ELL2: variants seen among roughly 807,000 people sequenced by gnomAD.
ELL2 encodes the protein elongation factor for RNA polymerase II 2.
A neutral mutation model predicts 72.8 loss-of-function variants in ELL2; 21 were observed. The ratio of observed to expected loss-of-function variants is 0.29; its 90% CI spans 0.20 to 0.42. ELL2 has a LOEUF of 0.42. ELL2 is among the 10% of genes least tolerant of loss of function. The pLI is 1.00. For synonymous variants in ELL2, 266 were observed against 283.2 expected (o/e 0.94, Z 0.61); for missense variants, 568 against 772.8 (o/e 0.73, Z 3.14).
chr5:95,951,769 C>T (rs1427448668), intron 1 of ELL2, among the ~76,000 whole-genome samples: 3 of 152,104 alleles, frequency 2.0e-5, no homozygotes, highest in Non-Finnish European at 4.4e-5. Flanking sequence ...TGAAGGCCAC[C>T]TCGAAGTTTA....
chr5:95,950,671 G>C (rs1751338493), intron 1 of ELL2, among the ~76,000 whole-genome samples: 1 of 151,608 alleles, frequency 6.6e-6, no homozygotes, highest in South Asian at 2.1e-4. Context: ...TGTAACCTTA[G>C]ATTCAAAAGA....
At chr5:95,935,449 T>C (rs1244449184) in intron 2 of ELL2, among the ~76,000 whole-genome samples, 3 of 152,202 alleles carry the variant, frequency 2.0e-5, no homozygotes, top group Non-Finnish European at 2.9e-5. Context: ...TAAACCAGTA[T>C]TCTTTAACAG....
chr5:95,921,877 C>G (rs1372399991), intron 2 of ELL2, among the ~76,000 whole-genome samples: 9 of 152,128 alleles, frequency 5.9e-5, no homozygotes, highest in Non-Finnish European at 1.2e-4. Context: ...ATCTGCAGAA[C>G]CTGGTTGGAG....
chr5:95,937,438 C>T (rs1192497721), intron 2 of ELL2, among the ~76,000 whole-genome samples: 1 of 151,672 alleles, frequency 6.6e-6, no homozygotes, highest in African/African-American at 2.4e-5. Context: ...CAGCCCATCT[C>T]CTGGGTAAAA....
At chr5:95,927,408 C>CATAT (rs771192362) in intron 2 of ELL2, among the ~76,000 whole-genome samples, 1 of 25,488 alleles carries the variant, frequency 3.9e-5, no homozygotes, top group Non-Finnish European at 7.2e-5. Flanking sequence ...CATACACACA[C>CATAT]GTGTGTATAT....
intron 2 of ELL2, 74 bp from the exon 3 acceptor site, chr5:95,919,619 T>G: frequency 6.8e-7 from 1 of 1,467,182 alleles, no homozygotes; most frequent in Non-Finnish European, 9.0e-7. Flanking sequence ...ACTGACTTAC[T>G]GGTTTTTCTA....
intron 1 of ELL2, among the ~76,000 whole-genome samples, chr5:95,955,588 T>G (rs1751598797): frequency 6.6e-6 from 1 of 152,248 alleles, no homozygotes; most frequent in Admixed American, 6.5e-5. Flanking sequence ...ACCCGAGTTA[T>G]GCTGTGTTTT....
intron 1 of ELL2, among the ~76,000 whole-genome samples, chr5:95,950,938 A>G (rs796408130): frequency 2.8e-5 from 3 of 108,022 alleles, no homozygotes; most frequent in Non-Finnish European, 5.6e-5. Context: ...ATATATATAT[A>G]TATATATATA....
intron 1 of ELL2, among the ~76,000 whole-genome samples, chr5:95,951,663 C>CTTTTTTTACAA (rs1468973330): frequency 6.6e-6 from 1 of 151,856 alleles, no homozygotes; most frequent in African/African-American, 2.4e-5. Context: ...CAAAGGGAGC[C>CTTTTTTTACAA]ATTGGGGACT....
chr5:95,921,447 G>C (rs1750081995), intron 2 of ELL2, among the ~76,000 whole-genome samples: 1 of 151,982 alleles, frequency 6.6e-6, no homozygotes, highest in Admixed American at 6.6e-5. Flanking sequence ...ATCTTTTGAG[G>C]GCCCTAACGT....
At position 95,886,807 on chromosome 5, in the gene ELL2, T is replaced by C. The variant is rs11135442; in HGVS notation, c.*2064A>G. On this transcript the variant is annotated 3_prime_UTR_variant, in exon 12 of 12. Coordinates refer to ENST00000237853, the MANE Select transcript of ELL2 (RefSeq NM_012081.6). ...AAGAAACCTGTGAAAATGCAGATACTTGGGCCCTATACCTAGAGATTCTAA... is the reference window on the plus strand; with the variant it reads ...AAGAAACCTGTGAAAATGCAGATACCTGGGCCCTATACCTAGAGATTCTAA... The C allele has an allele frequency of 0.33, 49,459 of 151,986 alleles. 8,774 individuals carry two copies. The highest frequency in any genetic ancestry group is 0.48 in the African/African-American group (19,904 of 41,416). 9.4% of individuals were successfully genotyped at this position (151,986 alleles called of 1,614,324 possible).
intron 1 of ELL2, among the ~76,000 whole-genome samples, chr5:95,948,560 G>C (rs1751264392): frequency 6.6e-6 from 1 of 150,734 alleles, no homozygotes; most frequent in Non-Finnish European, 1.5e-5. Flanking sequence ...ACCATTATAA[G>C]CAAATGTCTA....
At chr5:95,889,566 A>C (rs963761249) in intron 10 of ELL2, among the ~76,000 whole-genome samples, 1 of 152,208 alleles carries the variant, frequency 6.6e-6, no homozygotes, top group Non-Finnish European at 1.5e-5. Context: ...ACAGCTTGAT[A>C]CCATTAGTTT....
intron 1 of ELL2, among the ~76,000 whole-genome samples, chr5:95,944,470 A>G (rs530630970): frequency 6.6e-6 from 1 of 152,230 alleles, no homozygotes; most frequent in Non-Finnish European, 1.5e-5. Flanking sequence ...AAAAGGTAGT[A>G]CCTGAATTTT....
chr5:95,907,560 T>C lies in ELL2; in HGVS notation c.482-778A>G, dbSNP rs539815084. 5.1e-4 allele frequency among the ~76,000 whole-genome samples: 78 copies of C among 152,170 alleles called. 2 individuals are homozygous for C. Among genetic ancestry groups the C allele is most frequent in the Admixed American group, 4.7e-3 (72 of 15,276 alleles). ...CAAGTGGCTACTTCTAGAACATGTG[T>C]GGGCTGAGGTGAACCGGGCATTATG... On this transcript the variant is annotated intron_variant, in intron 4 of 11. Coordinates refer to ENST00000237853, the MANE Select transcript of ELL2 (RefSeq NM_012081.6).
chr5:95,895,537 C>G, intron 9 of ELL2, 91 bp downstream of exon 9: 1 of 1,248,934 alleles, frequency 8.0e-7, no homozygotes. Flanking sequence ...TCTGGAACTT[C>G]TTACTTTTCT....
At chr5:95,899,467 C>T (rs549634774) in intron 7 of ELL2, among the ~76,000 whole-genome samples, 8 of 150,454 alleles carry the variant, frequency 5.3e-5, no homozygotes, top group East Asian at 1.9e-4. Flanking sequence ...TTTTTTTTAC[C>T]GTTACATATC....
intron 3 of ELL2, 54 bp from the exon 4 acceptor site, chr5:95,913,988 AGG>A: frequency 6.8e-7 from 1 of 1,467,362 alleles, no homozygotes; most frequent in Non-Finnish European, 9.0e-7. Flanking sequence ...TGTACAATAA[AGG>A]CAAACAAGAA....
intron 10 of ELL2, among the ~76,000 whole-genome samples, 183 bp from the exon 11 acceptor site, chr5:95,889,313 G>A (rs184840769): frequency 2.8e-4 from 42 of 152,276 alleles, no homozygotes; most frequent in Admixed American, 1.4e-3. Context: ...AATCGACTCA[G>A]CAATTCTACT....
Sources: allele counts gnomAD v4.1 joint callset (sites outside exome capture counted in the v4.1 genomes callset), GRCh38; gene constraint gnomAD v4.1.1; transcripts MANE v1.5; gene names NCBI Gene and HGNC (gene_info 2026-07-23, HGNC 2026-07-21).